Variants in ADAMTS9 observed in about 807,000 individuals in gnomAD.
The protein encoded by ADAMTS9 is A disintegrin and metalloproteinase with thrombospondin motifs 9.
In ADAMTS9, 107 loss-of-function variants were observed where a neutral mutation model predicts 257.1. That is an observed-to-expected ratio of 0.42 (90% CI 0.36 to 0.49). ADAMTS9 has a LOEUF of 0.49. Ranked by LOEUF, ADAMTS9 falls within the 20% of genes least tolerant of loss-of-function variation. ADAMTS9 has a pLI of 0.03. For synonymous variants in ADAMTS9, 982 were observed against 880.9 expected (o/e 1.11, Z -2.03); for missense variants, 2,353 against 2,469.1 (o/e 0.95, Z 1.00).
At chr3:64,627,618 C>T (rs1191908533) in intron 16 of ADAMTS9, among the ~76,000 whole-genome samples, 1 of 152,116 alleles carries the variant, frequency 6.6e-6, no homozygotes, top group African/African-American at 2.4e-5. Context: ...TGCTTTGGTA[C>T]TTTGTGAAAC....
Position 64,616,165 on chromosome 3 carries a change from T to C in ADAMTS9, c.2819A>G (p.His940Arg). Residue 940 changes from histidine to arginine, a missense_variant, in exon 20 of 40, where the codon CAT (histidine) becomes CGT (arginine). By Grantham distance (29) the His-to-Arg change is conservative. Transcript: ENST00000498707. ...PCGTDCDLRW[H>R]VASRSECSAQ... Reference sequence around the variant, plus strand: ...ACTACATTCACTCCTGCTGGCAACATGCCACCTATGCAAAAATAATGGGGC... The same window carrying C: ...ACTACATTCACTCCTGCTGGCAACACGCCACCTATGCAAAAATAATGGGGC... 1 of 1,614,040 alleles carries C rather than the reference T, an allele frequency of 6.2e-7. No individual in the cohort carries two copies. Among genetic ancestry groups the C allele is most frequent in the Non-Finnish European group, 8.5e-7 (1 of 1,179,938 alleles).
intron 16 of ADAMTS9, among the ~76,000 whole-genome samples, chr3:64,625,697 C>A (rs1447246647): frequency 2.6e-5 from 4 of 152,186 alleles, no homozygotes; most frequent in Non-Finnish European, 5.9e-5. Flanking sequence ...TCTGAAATGA[C>A]TGAGAAGAAT....
chr3:64,554,471 A>C lies in ADAMTS9; in HGVS notation c.4699-3409T>G, dbSNP rs2083306545. On this transcript the variant is annotated intron_variant, in intron 30 of 39. Coordinates refer to ENST00000498707, the MANE Select transcript of ADAMTS9 (RefSeq NM_182920.2). Reference sequence around the variant, plus strand: ...TCAGAAAACAAATCGAGTCCATGCTATCAGGTTTCATCAGCTTTTTGTAAT... The same window carrying C: ...TCAGAAAACAAATCGAGTCCATGCTCTCAGGTTTCATCAGCTTTTTGTAAT... Among the ~76,000 whole-genome samples the C allele has an allele frequency of 2.0e-5, 3 of 152,128 alleles. No homozygotes were observed. In the South Asian group the frequency reaches 6.2e-4, roughly 32 times the overall value.
intron 28 of ADAMTS9, chr3:64,583,092 G>C (rs771974785): frequency 6.6e-6 from 1 of 152,136 alleles, no homozygotes; most frequent in African/African-American, 2.4e-5. Flanking sequence ...TATAACCCTT[G>C]TTTTCTTAGA....
At chr3:64,640,229 C>A (rs1191782146) in intron 12 of ADAMTS9, among the ~76,000 whole-genome samples, 2 of 152,066 alleles carry the variant, frequency 1.3e-5, no homozygotes, top group Non-Finnish European at 2.9e-5. Flanking sequence ...GGGTTATGAA[C>A]AAAAATAACT....
At chr3:64,653,123 C>T (rs931855463) in intron 8 of ADAMTS9, among the ~76,000 whole-genome samples, 20 of 152,182 alleles carry the variant, frequency 1.3e-4, no homozygotes, top group Non-Finnish European at 2.2e-4. Flanking sequence ...AGGAATTCTA[C>T]ACCTGTACTG....
chr3:64,546,849 T>C lies in ADAMTS9; in HGVS notation c.4973A>G (p.Asn1658Ser). 1 of 1,614,116 alleles carries C rather than the reference T, an allele frequency of 6.2e-7. No individual in the cohort carries two copies. Among genetic ancestry groups the C allele is most frequent in the Non-Finnish European group, 8.5e-7 (1 of 1,180,008 alleles). The change falls in exon 32 of 40, where the codon AAC becomes AGC. Residue 1658 changes from asparagine to serine, a missense_variant. By Grantham distance (46) the Asn-to-Ser change is conservative. Coordinates refer to ENST00000498707, the MANE Select transcript of ADAMTS9 (RefSeq NM_182920.2). ...ACTGGGGGGCTGCGTGCCTGGGCAGTTGATGGTGGTTTGGTAGCTGTATTC... is the reference window on the plus strand; with the variant it reads ...ACTGGGGGGCTGCGTGCCTGGGCAGCTGATGGTGGTTTGGTAGCTGTATTC... The part of the protein sequence containing the change: ...NYEYSYQTTI[N>S]CPGTQPPSVH...
intron 22 of ADAMTS9, among the ~76,000 whole-genome samples, chr3:64,608,639 C>G (rs1168745861): frequency 6.6e-6 from 1 of 151,938 alleles, no homozygotes; most frequent in Non-Finnish European, 1.5e-5. Context: ...ATGACTGAAT[C>G]ATTAATCAAA....
chr3:64,681,312 A>G lies in ADAMTS9; in HGVS notation c.568T>C (p.Ser190Pro). 6.2e-7 allele frequency: 1 copy of G among 1,613,890 alleles called. No individual in the cohort carries two copies. The highest frequency in any genetic ancestry group is 8.5e-7 in the Non-Finnish European group (1 of 1,179,876). Residue 190 changes from serine to proline, a missense_variant, in exon 3 of 40, where the codon TCT (serine) becomes CCT (proline). This residue lies in a region of ADAMTS9 where 591 missense variants were observed against 569.6 expected (regional missense o/e 1.04). Transcript: ENST00000498707. ...DGDYFIEPLQ[S>P]MDEQEDEEEQ... ...TCTTCATCTTCTTGTTCATCCATAG[A>G]CTGTAGTGGTTCAATAAAATAATCC... is the stretch of plus-strand genomic sequence containing the variant.
At chr3:64,527,110 CA>C (rs1245338675) in intron 38 of ADAMTS9, among the ~76,000 whole-genome samples, 3 of 152,054 alleles carry the variant, frequency 2.0e-5, no homozygotes, top group African/African-American at 7.2e-5. Context: ...ACCAAAAACC[CA>C]ATTGTCAAGC....
chr3:64,654,329 T>G, intron 8 of ADAMTS9, 24 bp downstream of exon 8: 9 of 1,599,054 alleles, frequency 5.6e-6, no homozygotes, highest in East Asian at 2.2e-5. Flanking sequence ...CCAAATTAAA[T>G]GAAATTACTG....
intron 22 of ADAMTS9, among the ~76,000 whole-genome samples, chr3:64,608,474 C>A (rs750993277): frequency 6.6e-6 from 1 of 151,924 alleles, no homozygotes; most frequent in Non-Finnish European, 1.5e-5. Context: ...AAGGAGGGAA[C>A]ATGTCTACTG....
chr3:64,611,053 G>T (rs976010739), intron 22 of ADAMTS9, among the ~76,000 whole-genome samples: 1 of 140,832 alleles, frequency 7.1e-6, no homozygotes, highest in Non-Finnish European at 1.5e-5. Context: ...ACCAGCCTGG[G>T]CGACAGAGTG....
At chr3:64,574,233 G>C (rs993661857) in intron 28 of ADAMTS9, among the ~76,000 whole-genome samples, 9 of 152,140 alleles carry the variant, frequency 5.9e-5, no homozygotes, top group African/African-American at 2.2e-4. Context: ...AATCATACTA[G>C]CTACCTTTCA....
At chr3:64,673,433 AG>A (rs1219644044) in intron 3 of ADAMTS9, among the ~76,000 whole-genome samples, 2 of 152,166 alleles carry the variant, frequency 1.3e-5, no homozygotes, top group Non-Finnish European at 2.9e-5. Flanking sequence ...AGCAAAGAGT[AG>A]GGGCAATGGA....
chr3:64,546,753 C>T lies in ADAMTS9; in HGVS notation c.5064+5G>A. The T allele has an allele frequency of 1.3e-6, 2 of 1,592,318 alleles. No homozygotes were observed. The highest frequency in any genetic ancestry group is 1.7e-6 in the Non-Finnish European group (2 of 1,170,408). On this transcript the variant is annotated splice_donor_5th_base_variant and intron_variant, in intron 32 of 39. Transcript: ENST00000498707. ...TCAGATTTGAGTGCTCAGTCTTCTA[C>T]TTACGCTCCCCCAGTTGCCAACTCT...
At chr3:64,545,036 G>T (rs369759078) in intron 32 of ADAMTS9, among the ~76,000 whole-genome samples, 5 of 152,108 alleles carry the variant, frequency 3.3e-5, no homozygotes, top group Non-Finnish European at 7.4e-5. Flanking sequence ...ATCAGAGAAA[G>T]GCAAATCAAA....
chr3:64,526,804 T>C (rs533436787), intron 38 of ADAMTS9, among the ~76,000 whole-genome samples: 1 of 152,318 alleles, frequency 6.6e-6, no homozygotes, highest in African/African-American at 2.4e-5. Flanking sequence ...AAGGAGATAA[T>C]GCATGTAATG....
chr3:64,539,302 G>T lies in ADAMTS9; in HGVS notation c.5522-8C>A. 1 of 1,612,642 alleles carries T rather than the reference G, an allele frequency of 6.2e-7. No individual in the cohort carries two copies. The highest frequency in any genetic ancestry group is 8.5e-7 in the Non-Finnish European group (1 of 1,178,688). On this transcript the variant is annotated splice_polypyrimidine_tract_variant and splice_region_variant and intron_variant, in intron 36 of 39. Transcript: ENST00000498707. Reference sequence around the variant, plus strand: ...CAAACTGTAAGTCAGTGGCTGTGGGGTGGAGAAGGGGTTAAAGGCAGGGGA... The same window carrying T: ...CAAACTGTAAGTCAGTGGCTGTGGGTTGGAGAAGGGGTTAAAGGCAGGGGA...
Sources: gnomAD v4.1 joint callset for allele counts (sites outside exome capture counted in the v4.1 genomes callset) on GRCh38, gnomAD v4.1.1 for gene constraint, gnomAD v4.1.1 regional missense constraint, MANE v1.5 for transcripts, NCBI Gene and HGNC (gene_info 2026-07-23, HGNC 2026-07-21) for gene names.